The following KCND3 variants were observed in gnomAD, a reference collection of about 807,000 sequenced individuals.
The protein encoded by KCND3 is A-type voltage-gated potassium channel KCND3.
In KCND3, 9 loss-of-function variants were observed where a neutral mutation model predicts 51.1. The ratio of observed to expected loss-of-function variants is 0.18; its 90% CI spans 0.11 to 0.31. The LOEUF (loss-of-function observed/expected upper bound fraction) is 0.31. Ranked by LOEUF, KCND3 falls within the 10% of genes least tolerant of loss-of-function variation. The probability of loss-of-function intolerance (pLI) is 1.00; values close to 1 mark genes in which losing one functional copy is unlikely to be tolerated. For missense variants in KCND3, 526 were observed against 903.8 expected, an observed-to-expected ratio of 0.58 and a Z score of 5.36; for synonymous variants, 349 against 368.0, an observed-to-expected ratio of 0.95 and a Z score of 0.59.
chr1:111,985,298 G>A (rs898929025), intron 1 of KCND3, among the ~76,000 whole-genome samples: 1 of 152,152 alleles, frequency 6.6e-6, no homozygotes, highest in Non-Finnish European at 1.5e-5. Context: ...ACCACTGTAG[G>A]CCATGTTTTG....
At chr1:111,974,335 A>C (rs946292352) in intron 2 of KCND3, among the ~76,000 whole-genome samples, 2 of 151,866 alleles carry the variant, frequency 1.3e-5, no homozygotes, top group Non-Finnish European at 2.9e-5. Flanking sequence ...ACTTCTTCCA[A>C]ATAAATTTCT....
chr1:111,970,898 A>T (rs1674292509), intron 2 of KCND3, among the ~76,000 whole-genome samples: 1 of 152,148 alleles, frequency 6.6e-6, no homozygotes, highest in Admixed American at 6.5e-5. Flanking sequence ...GTGAACCATC[A>T]CTTCCCCTAG....
At chr1:111,986,704 T>C (rs1220796124) in intron 1 of KCND3, among the ~76,000 whole-genome samples, 3 of 152,210 alleles carry the variant, frequency 2.0e-5, no homozygotes, top group Admixed American at 6.5e-5. Context: ...TTAGGTCTCA[T>C]TGAGACCTCT....
intron 2 of KCND3, among the ~76,000 whole-genome samples, chr1:111,849,075 T>C (rs1320838497): frequency 6.6e-6 from 1 of 152,154 alleles, no homozygotes; most frequent in Non-Finnish European, 1.5e-5. Context: ...CGTGGGAGGT[T>C]TGGGCAGCTC....
intron 2 of KCND3, among the ~76,000 whole-genome samples, chr1:111,895,042 G>C (rs574163572): frequency 1.3e-5 from 2 of 150,622 alleles, no homozygotes; most frequent in African/African-American, 4.9e-5. Context: ...AGAGGGAGAT[G>C]TGGAGAGGGA....
At chr1:111,823,606 G>T (rs1338856145) in intron 2 of KCND3, among the ~76,000 whole-genome samples, 1 of 152,174 alleles carries the variant, frequency 6.6e-6, no homozygotes, top group African/African-American at 2.4e-5. Flanking sequence ...AATAGGAGCT[G>T]AATAACACAT....
chr1:111,939,560 CT>C (rs1390735335), intron 2 of KCND3, among the ~76,000 whole-genome samples: 1 of 152,168 alleles, frequency 6.6e-6, no homozygotes, highest in Non-Finnish European at 1.5e-5. Context: ...TGAACTCATC[CT>C]TTTTTATGGC....
chr1:111,790,024 C>A (rs1368699200), intron 2 of KCND3, among the ~76,000 whole-genome samples: 2 of 152,134 alleles, frequency 1.3e-5, no homozygotes, highest in African/African-American at 4.8e-5. Context: ...TAAAATGTCT[C>A]CTTTAATGAA....
rs561362981 is a variant in KCND3, at chr1:111,808,853, C to G, written c.1107-21747G>C. Among the ~76,000 whole-genome samples, 4 of 152,310 alleles carry G rather than the reference C, an allele frequency of 2.6e-5. No homozygotes were observed. The East Asian group carries it at 7.7e-4, about 29-fold the overall frequency. The stretch of plus-strand genomic sequence containing the variant: ...GCGCCTGTTTAAGGACTTGGAGAAC[C>G]AAGATGTGCCTTGCCAAAGAGGCCT... On this transcript the variant is annotated intron_variant, in intron 2 of 7. Transcript: ENST00000302127.
intron 2 of KCND3, among the ~76,000 whole-genome samples, chr1:111,932,193 G>A (rs755760262): frequency 3.3e-5 from 5 of 152,124 alleles, no homozygotes; most frequent in Non-Finnish European, 5.9e-5. Flanking sequence ...CTTTCTTAAG[G>A]TCAGCTGACT....
chr1:111,788,431 C>T (rs546722881), intron 2 of KCND3, among the ~76,000 whole-genome samples: 1 of 152,294 alleles, frequency 6.6e-6, no homozygotes, highest in East Asian at 1.9e-4. Flanking sequence ...ATGGGGCAAG[C>T]TATTTCAGAA....
chr1:111,776,385 T>C, intron 7 of KCND3, 107 bp from the exon 8 acceptor site: 2 of 986,924 alleles, frequency 2.0e-6, no homozygotes, highest in South Asian at 2.8e-5. Context: ...GATATTTTGT[T>C]GTGCCTCTAT....
chr1:111,986,793 A>C (rs937406166), intron 1 of KCND3, among the ~76,000 whole-genome samples: 1 of 152,142 alleles, frequency 6.6e-6, no homozygotes, highest in Non-Finnish European at 1.5e-5. Context: ...CCTGAGCCTC[A>C]AGGTAGCAAA....
At chr1:111,841,580 AT>A (rs1479958612) in intron 2 of KCND3, among the ~76,000 whole-genome samples, 1 of 152,234 alleles carries the variant, frequency 6.6e-6, no homozygotes, top group African/African-American at 2.4e-5. Flanking sequence ...GGTGTCTTAA[AT>A]TCTCTGAGGT....
intron 2 of KCND3, among the ~76,000 whole-genome samples, chr1:111,918,486 C>G (rs1205363781): frequency 2.0e-5 from 3 of 152,118 alleles, no homozygotes; most frequent in African/African-American, 7.2e-5. Flanking sequence ...AGACACAGTC[C>G]CACCACTAAC....
rs1180582265 is a variant in KCND3 at position 111,982,484 on chromosome 1, C to T, written c.243G>A (p.Glu81=). The change falls in exon 2 of 8, where the codon GAG becomes GAA. Residue 81 remains glutamate (E), a synonymous_variant. Coordinates refer to ENST00000302127, the MANE Select transcript of KCND3 (RefSeq NM_001378969.1). This position sits in a 1 kb window ranked among gnomAD's most constrained non-coding sequence, Gnocchi z 8.5. ...CCTCGGGGTCCCGGTCGAAGAAGTA[C>T]TCCTTGGTGTCCTCGTTGAAGAAGA... ...KEFFFNEDTK[E]YFFDRDPEVF... The T allele has an allele frequency of 6.2e-7, 1 of 1,609,914 alleles. No homozygotes were observed. The highest frequency in any genetic ancestry group is 8.5e-7 in the Non-Finnish European group (1 of 1,176,754).
intron 2 of KCND3, among the ~76,000 whole-genome samples, chr1:111,869,210 T>C (rs750672683): frequency 5.3e-5 from 8 of 152,186 alleles, no homozygotes; most frequent in Admixed American, 3.9e-4. Flanking sequence ...GTTTGCTTTA[T>C]CGATTTCAGA....
Position 111,879,854 on chromosome 1 carries a change from T to C in KCND3, c.1107-92748A>G, listed in dbSNP as rs1396699360. ...GTGCATCCAGGACAGGCTGGTGCGG[T>C]AGTGTGGTGGCGGTGGGGTGCTCAG... On this transcript the variant is annotated intron_variant, in intron 2 of 7. Coordinates refer to ENST00000302127, the MANE Select transcript of KCND3 (RefSeq NM_001378969.1). 2.0e-5 allele frequency among the ~76,000 whole-genome samples: 3 copies of C among 152,126 alleles called. No homozygotes were observed. In the South Asian group the frequency reaches 6.2e-4, roughly 32 times the overall value.
chr1:111,783,031 G>A (rs1310241229), intron 3 of KCND3, among the ~76,000 whole-genome samples: 3 of 152,066 alleles, frequency 2.0e-5, no homozygotes, highest in East Asian at 1.9e-4. Flanking sequence ...TATGATGGCC[G>A]AGGAAGGAAG....
Sources: gnomAD v4.1 joint callset for allele counts (sites outside exome capture counted in the v4.1 genomes callset) on GRCh38, gnomAD v4.1.1 for gene constraint, Gnocchi (gnomAD v3.1) non-coding constraint, MANE v1.5 for transcripts, NCBI Gene and HGNC (gene_info 2026-07-23, HGNC 2026-07-21) for gene names.